The following STK32C variants were observed in gnomAD, a reference collection of about 807,000 sequenced individuals.
The protein encoded by STK32C is serine/threonine-protein kinase 32C.
In STK32C, 31 loss-of-function variants were observed where a neutral mutation model predicts 56.5. The ratio of observed to expected loss-of-function variants is 0.55; its 90% CI spans 0.41 to 0.74. The LOEUF is 0.74. Among genes scored for constraint, STK32C ranks in the 30% least tolerant of loss-of-function variants. The pLI is 0.00. For synonymous variants in STK32C, 309 were observed against 289.4 expected, an observed-to-expected ratio of 1.07 and a Z score of -0.69; for missense variants, 544 against 676.9, an observed-to-expected ratio of 0.80 and a Z score of 2.18.
At chr10:132,321,126 G>A (rs751998258), downstream of STK32C, among the ~76,000 whole-genome samples, 4 of 152,170 alleles carry the variant, frequency 2.6e-5, no homozygotes, top group African/African-American at 9.7e-5. Context: ...GGGATGTTGG[G>A]GGGATGCCAG....
At chr10:132,232,380 G>A (rs868057679) in intron 2 of STK32C, among the ~76,000 whole-genome samples, 2 of 152,042 alleles carry the variant, frequency 1.3e-5, no homozygotes, top group Non-Finnish European at 2.9e-5. Flanking sequence ...AGGCTCCCTC[G>A]GGCCCCTGAT....
chr10:132,331,446 C>T, exon 1 of STK32C: 2 of 1,610,456 alleles, frequency 1.2e-6, no homozygotes, highest in Middle Eastern at 3.3e-4. Context: ...TGCGTTTCCT[C>T]GCCCCCCTCA....
chr10:132,225,451 C>G, intron 6 of STK32C, 76 bp downstream of exon 6: 1 of 1,598,828 alleles, frequency 6.3e-7, no homozygotes, highest in African/African-American at 1.3e-5. Flanking sequence ...CAGGGTGGGA[C>G]AGAGAAGCCA....
intron 2 of STK32C, among the ~76,000 whole-genome samples, chr10:132,235,829 T>C (rs7910485): frequency 0.74 from 112,491 of 152,064 alleles, 41,723 homozygotes; most frequent in Admixed American, 0.8. Context: ...CGCAGTGTGA[T>C]GGGATCGTAA....
chr10:132,250,270 C>T (rs1029054482), intron 1 of STK32C, among the ~76,000 whole-genome samples: 13 of 128,942 alleles, frequency 1.0e-4, no homozygotes, highest in Admixed American at 9.2e-4. Context: ...AGCCCCACCC[C>T]GAGGGCAGGT....
intron 1 of STK32C, among the ~76,000 whole-genome samples, chr10:132,294,069 G>T (rs1457018392): frequency 6.6e-6 from 1 of 152,222 alleles, no homozygotes; most frequent in South Asian, 2.1e-4. Context: ...CGAGTCGGAG[G>T]GTGGACGGAA....
chr10:132,263,395 C>T (rs1464737867), intron 1 of STK32C, among the ~76,000 whole-genome samples: 3 of 152,036 alleles, frequency 2.0e-5, no homozygotes, highest in African/African-American at 7.3e-5. Flanking sequence ...CCACTGGGCA[C>T]ACGTGGACAT....
At chr10:132,293,123 C>T (rs2492649) in intron 1 of STK32C, among the ~76,000 whole-genome samples, 4 of 152,196 alleles carry the variant, frequency 2.6e-5, no homozygotes, top group Admixed American at 6.5e-5. Context: ...CGCGTGCATG[C>T]GTGCGGGGAG....
At chr10:132,284,661 A>G (rs1156378126) in intron 1 of STK32C, among the ~76,000 whole-genome samples, 1 of 151,872 alleles carries the variant, frequency 6.6e-6, no homozygotes, top group African/African-American at 2.4e-5. Flanking sequence ...CCCAAAGACC[A>G]GGCATGAACC....
At chr10:132,298,639 TTGAGCGCCGTGTGTGGGGTCACTGGG>T (rs1455309400) in intron 1 of STK32C, among the ~76,000 whole-genome samples, 191 of 149,120 alleles carry the variant, frequency 1.3e-3, no homozygotes, top group African/African-American at 4.3e-3. Context: ...CACCGGGGAG[TTGAGCGCCGTGTGTGGGGTCACTGGG>T]GGGGAGTTGA....
chr10:132,240,255 G>A lies in STK32C; in HGVS notation c.318+5645C>T, dbSNP rs1238893119. 2.0e-5 allele frequency among the ~76,000 whole-genome samples: 3 copies of A among 152,234 alleles called. 1 individual carries two copies. In the South Asian group the frequency reaches 6.2e-4, roughly 31 times the overall value. ...GCCAGTGCTGCTCGCCACCTGCAGC[G>A]AGTCCCCCCGATGGATGAGGAACCC... On this transcript the variant is annotated intron_variant, in intron 2 of 11. Coordinates refer to ENST00000298630, the MANE Select transcript of STK32C (RefSeq NM_173575.4).
chr10:132,252,076 GC>G (rs2063930959), intron 1 of STK32C, among the ~76,000 whole-genome samples: 2 of 152,256 alleles, frequency 1.3e-5, no homozygotes, highest in Non-Finnish European at 2.9e-5. Context: ...ATCCTGCTGG[GC>G]CCCTCAGGGC....
chr10:132,290,087 T>C (rs925819979), intron 1 of STK32C, among the ~76,000 whole-genome samples: 1 of 152,164 alleles, frequency 6.6e-6, no homozygotes, highest in Admixed American at 6.5e-5. Flanking sequence ...TTCTGCTGTG[T>C]CTCCAAGATA....
chr10:132,262,683 T>C (rs1283071272), intron 1 of STK32C, among the ~76,000 whole-genome samples: 1 of 148,022 alleles, frequency 6.8e-6, no homozygotes, highest in Non-Finnish European at 1.5e-5. Context: ...GAGGCTGAGG[T>C]GTGTGGATCA....
intron 1 of STK32C, among the ~76,000 whole-genome samples, chr10:132,314,089 A>G (rs375652387): frequency 1.2e-4 from 18 of 152,356 alleles, no homozygotes; most frequent in African/African-American, 4.3e-4. Context: ...GCCCTCGGCC[A>G]GCACCGCGAT....
At chr10:132,286,050 C>T (rs531316285) in intron 1 of STK32C, among the ~76,000 whole-genome samples, 1 of 151,692 alleles carries the variant, frequency 6.6e-6, no homozygotes, top group African/African-American at 2.4e-5. Context: ...GGCGTGAACC[C>T]GGGAAGTGGA....
chr10:132,305,030 A>T (rs2066017722), intron 1 of STK32C, among the ~76,000 whole-genome samples: 1 of 152,250 alleles, frequency 6.6e-6, no homozygotes, highest in Non-Finnish European at 1.5e-5. Context: ...TCACCAGGAC[A>T]CCAAGACAGA....
At chr10:132,321,123 T>C (rs113140073), downstream of STK32C, among the ~76,000 whole-genome samples, 185 of 152,176 alleles carry the variant, frequency 1.2e-3, no homozygotes, top group African/African-American at 4.3e-3. Flanking sequence ...AAAGGGATGT[T>C]GGGGGGATGC....
intron 10 of STK32C, among the ~76,000 whole-genome samples, chr10:132,221,324 A>C (rs1456830734): frequency 2.1e-4 from 20 of 93,036 alleles, no homozygotes; most frequent in South Asian, 4.7e-4. Context: ...GGCCGTCCCC[A>C]CACACACAAC....
Sources: allele counts gnomAD v4.1 joint callset (sites outside exome capture counted in the v4.1 genomes callset), GRCh38; gene constraint gnomAD v4.1.1; transcripts MANE v1.5; gene names NCBI Gene and HGNC (gene_info 2026-07-23, HGNC 2026-07-21).